MARCOL: variants seen among roughly 807,000 people sequenced by gnomAD.
MARCOL encodes MARCO like.
intron 1 of MARCOL, among the ~76,000 whole-genome samples, chr5:148,240,811 C>A (rs1171415697): frequency 1.3e-5 from 2 of 151,852 alleles, no homozygotes; most frequent in Non-Finnish European, 2.9e-5. Flanking sequence ...TCATTAATTT[C>A]TCTGGTTGAA....
At chr5:148,239,436 A>AC (rs1170407261) in intron 1 of MARCOL, among the ~76,000 whole-genome samples, 4 of 151,780 alleles carry the variant, frequency 2.6e-5, no homozygotes, top group South Asian at 2.1e-4. Context: ...AGTGCCTCAG[A>AC]CCCCCCACTT....
chr5:148,243,181 G>A lies in MARCOL; in HGVS notation c.785G>A (p.Ser262Asn). The stretch of plus-strand genomic sequence containing the variant: ...CAACAAGGAAATCTACATTTATCTA[G>A]CCAGCAAGGGAATCAAGGACCTTCT... ...SSQQGNLHLS[S>N]QQGNQGPSSK... Residue 262 changes from serine to asparagine, a missense_variant, in exon 2 of 2, where the codon AGC becomes AAC. Physicochemically the swap from Ser to Asn is conservative, Grantham distance 46. Transcript: ENST00000638089. 2.5e-6 allele frequency: 1 copy of A among 399,370 alleles called. No individual in the cohort carries two copies. The highest frequency in any genetic ancestry group is 4.4e-6 in the Non-Finnish European group (1 of 226,760). The allele number at this position is 399,370 out of a possible 1,614,324, so 24.7% of individuals were successfully genotyped here. A position where few individuals can be genotyped will look rare whatever the true frequency, so the allele number is the denominator to read the frequency against.
At position 148,243,264 on chromosome 5, in the gene MARCOL, C is replaced by T. The variant is rs1424124026; in HGVS notation, c.*10C>T. ...TCAAGGAAATCTATGATTATCTAGC[C>T]AGCAAGGGAATATAGGATCTCCTAG... On this transcript the variant is annotated 3_prime_UTR_variant, in exon 2 of 2. Transcript: ENST00000638089. 7.5e-6 allele frequency: 3 copies of T among 398,616 alleles called. No individual in the cohort carries two copies. The highest frequency in any genetic ancestry group is 4.4e-5 in the Admixed American group (1 of 22,684). The allele number at this position is 398,616 out of a possible 1,614,324, so 24.7% of individuals were successfully genotyped here. A position where few individuals can be genotyped will look rare whatever the true frequency, so the allele number is the denominator to read the frequency against.
At position 148,242,588 on chromosome 5, in the gene MARCOL, A is replaced by C; in HGVS notation, c.192A>C (p.Gln64His). 2.5e-6 allele frequency: 1 copy of C among 398,380 alleles called. No individual in the cohort carries two copies. The highest frequency in any genetic ancestry group is 4.4e-6 in the Non-Finnish European group (1 of 225,918). 24.7% of individuals were successfully genotyped at this position (398,380 alleles called of 1,614,324 possible). ...DSNKQGGSYT[Q>H]GNPGTFRLQG... Reference sequence around the variant, plus strand: ...ATAAGCAAGGAGGTAGTTATACACAAGGAAATCCAGGAACGTTTAGGCTTC... The same window carrying C: ...ATAAGCAAGGAGGTAGTTATACACACGGAAATCCAGGAACGTTTAGGCTTC... Residue 64 changes from glutamine (Q) to histidine (H), a missense_variant, in exon 2 of 2, where the codon CAA becomes CAC. Transcript: ENST00000638089.
chr5:148,239,553 T>C (rs1581152964), intron 1 of MARCOL, among the ~76,000 whole-genome samples: 1 of 151,834 alleles, frequency 6.6e-6, no homozygotes, highest in South Asian at 2.1e-4. Flanking sequence ...TGTTAAGAAA[T>C]ATCAGTCTTG....
At chr5:148,240,791 A>C (rs7715043) in intron 1 of MARCOL, among the ~76,000 whole-genome samples, 1 of 151,832 alleles carries the variant, frequency 6.6e-6, no homozygotes, top group Non-Finnish European at 1.5e-5. Flanking sequence ...CTAAAAAAAA[A>C]TATTTTTTCT....
rs1449263844 is a variant in MARCOL, at chr5:148,242,502, C to A, written c.106C>A (p.Pro36Thr). Residue 36 changes from proline to threonine, a missense_variant, in exon 2 of 2, where the codon CCT becomes ACT. By Grantham distance (38) the Pro-to-Thr change is conservative. Coordinates refer to ENST00000638089, the MANE Select transcript of MARCOL (RefSeq NM_001363511.2). ...TTTCAAACTAGAAGAGAATCCAAAA[C>A]CTGCACTTATTCTGGAGGAAAAAAA... The part of the protein sequence containing the change: ...SVFKLEENPK[P>T]ALILEEKNEA... The A allele has an allele frequency of 5.0e-6, 2 of 398,052 alleles. No homozygotes were observed. The highest frequency in any genetic ancestry group is 4.1e-5 in the African/African-American group (2 of 48,558). The allele number at this position is 398,052 out of a possible 1,614,324, so 24.7% of individuals were successfully genotyped here.
At chr5:148,239,895 G>C (rs1423393111) in intron 1 of MARCOL, among the ~76,000 whole-genome samples, 2 of 151,520 alleles carry the variant, frequency 1.3e-5, no homozygotes, top group East Asian at 1.9e-4. Flanking sequence ...ATGAAGAAGA[G>C]AGATGAATCA....
chr5:148,240,021 C>G (rs1055772011), intron 1 of MARCOL, among the ~76,000 whole-genome samples: 2 of 151,734 alleles, frequency 1.3e-5, no homozygotes, highest in Non-Finnish European at 3.0e-5. Flanking sequence ...ATGGTGAAAC[C>G]ACATTATAAT....
chr5:148,241,226 C>A (rs1755961159), intron 1 of MARCOL, among the ~76,000 whole-genome samples: 1 of 151,650 alleles, frequency 6.6e-6, no homozygotes, highest in African/African-American at 2.4e-5. Flanking sequence ...CAGTGCATAC[C>A]AATTGACTAT....
In MARCOL at chr5:148,243,072, G is replaced by T. The variant is rs181186120; in HGVS notation, c.676G>T (p.Gly226Cys). The T allele has an allele frequency of 2.2e-4, 86 of 389,298 alleles. No homozygotes were observed. The highest frequency in any genetic ancestry group is 1.6e-3 in the African/African-American group (76 of 46,068). The allele number at this position is 389,298 out of a possible 1,614,324, so 24.1% of individuals were successfully genotyped here. A position where few individuals can be genotyped will look rare whatever the true frequency, so the allele number is the denominator to read the frequency against. ...CCAACAAGGAAATCTAGGAACTTCT[G>T]GCCAACAGGAGAAGCCAGGATCTTC... is the stretch of plus-strand genomic sequence containing the variant. ...SSQQGNLGTS[G>C]QQEKPGSSSQ... The change falls in exon 2 of 2, where the codon GGC becomes TGC. Residue 226 changes from glycine to cysteine, a missense_variant. Transcript: ENST00000638089.
In MARCOL at chr5:148,242,617, G is replaced by C. The variant is rs1755979287; in HGVS notation, c.221G>C (p.Gly74Ala). The C allele has an allele frequency of 2.5e-6, 1 of 398,324 alleles. No individual in the cohort carries two copies. The highest frequency in any genetic ancestry group is 4.4e-6 in the Non-Finnish European group (1 of 225,930). The allele number at this position is 398,324 out of a possible 1,614,324, so 24.7% of individuals were successfully genotyped here. A position where few individuals can be genotyped will look rare whatever the true frequency, so the allele number is the denominator to read the frequency against. ...QGNPGTFRLQ[G>A]QPGYFNKLEK... Reference sequence around the variant, plus strand: ...AATCCAGGAACGTTTAGGCTTCAAGGACAACCAGGCTATTTTAACAAGCTA... The same window carrying C: ...AATCCAGGAACGTTTAGGCTTCAAGCACAACCAGGCTATTTTAACAAGCTA... The change falls in exon 2 of 2, where the codon GGA (glycine) becomes GCA (alanine). Residue 74 changes from glycine (G) to alanine (A), a missense_variant. Coordinates refer to ENST00000638089, the MANE Select transcript of MARCOL (RefSeq NM_001363511.2).
In MARCOL at chr5:148,239,735, A is replaced by C. The variant is rs1004361538; in HGVS notation, c.49+1089A>C. ...TTTTAAAGGGGGAAAACAGATATTCAGATAAAATTCCTTTATAGAACATAT... is the reference window on the plus strand; with the variant it reads ...TTTTAAAGGGGGAAAACAGATATTCCGATAAAATTCCTTTATAGAACATAT... On this transcript the variant is annotated intron_variant, in intron 1 of 1. Transcript: ENST00000638089. Among the ~76,000 whole-genome samples the C allele has an allele frequency of 3.9e-5, 6 of 152,118 alleles. No individual in the cohort carries two copies. In the East Asian group the frequency reaches 5.8e-4, roughly 15 times the overall value.
intron 1 of MARCOL, among the ~76,000 whole-genome samples, chr5:148,241,756 AT>A (rs1755968510): frequency 6.6e-6 from 1 of 152,116 alleles, no homozygotes; most frequent in Non-Finnish European, 1.5e-5. Flanking sequence ...GGTTTAAGAA[AT>A]AATCGTGATA....
At chr5:148,240,581 A>C (rs568900666) in intron 1 of MARCOL, among the ~76,000 whole-genome samples, 1 of 151,934 alleles carries the variant, frequency 6.6e-6, no homozygotes, top group African/African-American at 2.4e-5. Flanking sequence ...TACTCTTTGC[A>C]CCTTTAGGAT....
At chr5:148,242,353 A>T (rs1755975293) in intron 1 of MARCOL, 93 bp from the exon 2 acceptor site, 1 of 395,130 alleles carries the variant, frequency 2.5e-6, no homozygotes, top group East Asian at 3.6e-5. Context: ...AGCATTAAAA[A>T]CATACTATAT....
chr5:148,241,621 G>C (rs1755967319), intron 1 of MARCOL, among the ~76,000 whole-genome samples: 1 of 150,530 alleles, frequency 6.6e-6, no homozygotes, highest in African/African-American at 2.4e-5. Context: ...TTGTTTTTTA[G>C]ATCCTGCTCA....
chr5:148,240,108 G>T (rs994470565), intron 1 of MARCOL, among the ~76,000 whole-genome samples: 1 of 151,900 alleles, frequency 6.6e-6, no homozygotes, highest in African/African-American at 2.4e-5. Context: ...TGTAAGAAAT[G>T]ATGTATTATT....
At chr5:148,240,579 G>T (rs1455252516) in intron 1 of MARCOL, among the ~76,000 whole-genome samples, 1 of 151,714 alleles carries the variant, frequency 6.6e-6, no homozygotes, top group East Asian at 1.9e-4. Flanking sequence ...TTTACTCTTT[G>T]CACCTTTAGG....
Sources: gnomAD v4.1 joint callset for allele counts (sites outside exome capture counted in the v4.1 genomes callset) on GRCh38, gnomAD v4.1.1 for gene constraint, MANE v1.5 for transcripts, NCBI Gene and HGNC (gene_info 2026-07-23, HGNC 2026-07-21) for gene names.